Variants in DOCK4 observed in about 807,000 individuals in gnomAD.
DOCK4 encodes dedicator of cytokinesis protein 4.
A neutral mutation model predicts 268.1 loss-of-function variants in DOCK4; 97 were observed. The ratio of observed to expected loss-of-function variants is 0.36; its 90% confidence interval spans 0.31 to 0.43. The LOEUF (loss-of-function observed/expected upper bound fraction) is 0.43, where lower values mean the gene tolerates loss of function less well. DOCK4 is among the 20% of genes least tolerant of loss of function. The pLI, the probability that DOCK4 is intolerant of heterozygous loss-of-function variation, is 1.00. For missense variants in DOCK4, 2,145 were observed against 2,455.7 expected (o/e 0.87, Z 2.67); for synonymous variants, 954 against 887.2 (o/e 1.08, Z -1.34).
At chr7:112,181,056 A>T (rs1181385676) in intron 1 of DOCK4, among the ~76,000 whole-genome samples, 3 of 152,166 alleles carry the variant, frequency 2.0e-5, no homozygotes, top group Non-Finnish European at 2.9e-5. Flanking sequence ...ATAACTTCAA[A>T]TGTTGTTAAT....
At chr7:112,000,323 A>G (rs1310553892) in intron 3 of DOCK4, among the ~76,000 whole-genome samples, 171 bp downstream of exon 3, 1 of 152,176 alleles carries the variant, frequency 6.6e-6, no homozygotes, top group Non-Finnish European at 1.5e-5. Context: ...TGAGTAGCAT[A>G]TCTTAACTAT....
intron 1 of DOCK4, among the ~76,000 whole-genome samples, chr7:112,065,923 G>A (rs1251536227): frequency 6.6e-6 from 1 of 152,026 alleles, no homozygotes; most frequent in Non-Finnish European, 1.5e-5. Context: ...AAAAACATAA[G>A]GGAGGGCCAT....
At chr7:112,011,367 C>A (rs1312586412) in intron 1 of DOCK4, among the ~76,000 whole-genome samples, 2 of 152,146 alleles carry the variant, frequency 1.3e-5, no homozygotes, top group Non-Finnish European at 2.9e-5. Context: ...TCAAGCACTC[C>A]CCATTCAGAA....
At chr7:111,981,607 T>C (rs1798614400) in intron 7 of DOCK4, among the ~76,000 whole-genome samples, 1 of 152,170 alleles carries the variant, frequency 6.6e-6, no homozygotes, top group South Asian at 2.1e-4. Context: ...CTTATAACTA[T>C]TTGAGTTGTT....
chr7:111,770,294 C>G (rs73434205), intron 36 of DOCK4, among the ~76,000 whole-genome samples: 8,029 of 150,096 alleles, frequency 0.053, 681 homozygotes, highest in African/African-American at 0.18. Flanking sequence ...GGAAGTGCTG[C>G]ATGAGGAGTG....
At chr7:111,773,622 G>A (rs1055025126) in intron 36 of DOCK4, among the ~76,000 whole-genome samples, 1 of 152,014 alleles carries the variant, frequency 6.6e-6, no homozygotes, top group South Asian at 2.1e-4. Flanking sequence ...CTTATCAGGT[G>A]TTAATGTTTA....
chr7:111,756,420 C>T (rs575673005), intron 41 of DOCK4, among the ~76,000 whole-genome samples: 10 of 152,084 alleles, frequency 6.6e-5, no homozygotes, highest in South Asian at 2.1e-4. Flanking sequence ...GCTACACTAC[C>T]GATAGAGCCA....
intron 22 of DOCK4, among the ~76,000 whole-genome samples, chr7:111,864,818 T>C (rs1805839680): frequency 6.6e-6 from 1 of 152,226 alleles, no homozygotes; most frequent in Non-Finnish European, 1.5e-5. Flanking sequence ...TTAAATAAAA[T>C]GAGCCCAGCT....
At chr7:112,120,037 C>T (rs998511803) in intron 1 of DOCK4, among the ~76,000 whole-genome samples, 1 of 152,102 alleles carries the variant, frequency 6.6e-6, no homozygotes, top group South Asian at 2.1e-4. Flanking sequence ...TTAGTAAAGA[C>T]GGGGTTTCAC....
intron 25 of DOCK4, among the ~76,000 whole-genome samples, chr7:111,842,894 A>G (rs1387402710): frequency 2.0e-5 from 3 of 152,226 alleles, no homozygotes; most frequent in African/African-American, 2.4e-5. Flanking sequence ...CTGTCTCACC[A>G]TAACATGTAG....
At chr7:111,992,641 T>A (rs372808521) in intron 5 of DOCK4, among the ~76,000 whole-genome samples, 5 of 152,158 alleles carry the variant, frequency 3.3e-5, no homozygotes, top group African/African-American at 1.2e-4. Context: ...ATTTGAAACC[T>A]CGAACACAGG....
At chr7:112,022,429 C>A (rs1263707332) in intron 1 of DOCK4, among the ~76,000 whole-genome samples, 1 of 152,180 alleles carries the variant, frequency 6.6e-6, no homozygotes, top group Non-Finnish European at 1.5e-5. Context: ...ATGGCTGTCC[C>A]AGCTGTAATT....
intron 1 of DOCK4, among the ~76,000 whole-genome samples, chr7:112,144,445 C>T (rs1268432381): frequency 6.6e-6 from 1 of 152,156 alleles, no homozygotes; most frequent in African/African-American, 2.4e-5. Flanking sequence ...GACATTTTAG[C>T]ACCATATGGC....
chr7:112,065,458 C>T (rs1490249618), intron 1 of DOCK4, among the ~76,000 whole-genome samples: 1 of 151,480 alleles, frequency 6.6e-6, no homozygotes, highest in South Asian at 2.1e-4. Context: ...TTTTTATTTA[C>T]TTGTTATTCC....
At chr7:112,085,216 G>C (rs1808967025) in intron 1 of DOCK4, among the ~76,000 whole-genome samples, 1 of 152,038 alleles carries the variant, frequency 6.6e-6, no homozygotes, top group African/African-American at 2.4e-5. Flanking sequence ...ATATTTGCTT[G>C]AATCAAAGGG....
At chr7:112,057,536 A>G (rs929838312) in intron 1 of DOCK4, among the ~76,000 whole-genome samples, 2 of 151,456 alleles carry the variant, frequency 1.3e-5, no homozygotes, top group African/African-American at 4.9e-5. Context: ...GGGTGACAAA[A>G]CAAGACCCTG....
chr7:112,141,206 G>A (rs1378534651), intron 1 of DOCK4, among the ~76,000 whole-genome samples: 1 of 152,060 alleles, frequency 6.6e-6, no homozygotes, highest in Non-Finnish European at 1.5e-5. Flanking sequence ...AAACCCCTCT[G>A]AAAAATCCTC....
At chr7:111,827,982 T>C (rs979801428) in intron 26 of DOCK4, among the ~76,000 whole-genome samples, 3 of 152,258 alleles carry the variant, frequency 2.0e-5, no homozygotes, top group Admixed American at 6.5e-5. Flanking sequence ...CTTGTGCTTA[T>C]AGCAAGATCC....
At chr7:112,195,959 T>C (rs1457383505) in intron 1 of DOCK4, among the ~76,000 whole-genome samples, 2 of 152,110 alleles carry the variant, frequency 1.3e-5, no homozygotes. Flanking sequence ...ACACATGTGT[T>C]AGTAGTTTCC....
Sources: gnomAD v4.1 joint callset for allele counts (sites outside exome capture counted in the v4.1 genomes callset) on GRCh38, gnomAD v4.1.1 for gene constraint, MANE v1.5 for transcripts, NCBI Gene and HGNC (gene_info 2026-07-23, HGNC 2026-07-21) for gene names.